Variants in CELF2 observed in about 807,000 individuals in gnomAD.
CELF2 encodes the protein CUGBP Elav-like family member 2.
Under a neutral mutation model 62.6 loss-of-function variants are expected in CELF2, and 8 were observed. That is an observed-to-expected ratio of 0.13 (90% CI 0.07 to 0.23). The LOEUF (loss-of-function observed/expected upper bound fraction) is 0.23. CELF2 is among the 10% of genes least tolerant of loss of function. The pLI is 1.00. For missense variants in CELF2, 333 were observed against 671.0 expected, an observed-to-expected ratio of 0.50 and a Z score of 5.56; for synonymous variants, 258 against 250.0, an observed-to-expected ratio of 1.03 and a Z score of -0.30.
intron 1 of CELF2, among the ~76,000 whole-genome samples, chr10:11,109,432 G>C (rs1346243172): frequency 6.6e-6 from 1 of 152,190 alleles, no homozygotes; most frequent in Admixed American, 6.5e-5. Flanking sequence ...ATGGTGAATG[G>C]ACTTGAGTTT....
intron 8 of CELF2, among the ~76,000 whole-genome samples, chr10:11,283,615 G>A (rs1468341876): frequency 6.6e-6 from 1 of 151,156 alleles, no homozygotes; most frequent in Non-Finnish European, 1.5e-5. Flanking sequence ...GGGGCTGAAT[G>A]ATGGATGGGT....
At chr10:10,468,808 A>C in the CELF2 span, among the ~76,000 whole-genome samples, 1 of 151,984 alleles carries the variant, frequency 6.6e-6, no homozygotes, top group Non-Finnish European at 1.5e-5. Context: ...ATCCCCATAA[A>C]CTTTACATAA....
At chr10:10,549,811 C>A in the CELF2 span, among the ~76,000 whole-genome samples, 1 of 152,012 alleles carries the variant, frequency 6.6e-6, no homozygotes, top group Non-Finnish European at 1.5e-5. Context: ...AAGACTTCAA[C>A]GTATGAATTT....
chr10:11,137,772 T>C (rs1483684325), intron 1 of CELF2, among the ~76,000 whole-genome samples: 1 of 152,240 alleles, frequency 6.6e-6, no homozygotes, highest in East Asian at 1.9e-4. Flanking sequence ...TTAAATACCA[T>C]TTCTGTGTGG....
At chr10:10,899,730 C>G (rs1415610468) in intron 1 of CELF2, among the ~76,000 whole-genome samples, 1 of 152,172 alleles carries the variant, frequency 6.6e-6, no homozygotes, top group Admixed American at 6.5e-5. Flanking sequence ...AGGAAACTTA[C>G]AATCATGGCG....
intron 1 of CELF2, among the ~76,000 whole-genome samples, chr10:10,861,571 T>C (rs1274549336): frequency 1.3e-5 from 2 of 152,198 alleles, no homozygotes; most frequent in African/African-American, 4.8e-5. Flanking sequence ...AAAGGGGCTT[T>C]AGGTAAATCC....
intron 9 of CELF2, among the ~76,000 whole-genome samples, chr10:11,298,110 G>A (rs1045856982): frequency 3.3e-5 from 5 of 152,238 alleles, no homozygotes; most frequent in African/African-American, 1.2e-4. Context: ...CCAGAACAAA[G>A]GGAAACAGGA....
intron 8 of CELF2, among the ~76,000 whole-genome samples, chr10:11,287,425 C>T (rs529577892): frequency 6.6e-6 from 1 of 152,326 alleles, no homozygotes; most frequent in East Asian, 1.9e-4. Flanking sequence ...GTGTAGACAC[C>T]AGGGCTGAGC....
chr10:11,060,443 A>G (rs1323503962), intron 1 of CELF2, among the ~76,000 whole-genome samples: 1 of 152,160 alleles, frequency 6.6e-6, no homozygotes, highest in East Asian at 1.9e-4. Context: ...TATGTGAAAT[A>G]TTTTATATGG....
chr10:10,664,166 A>G, the CELF2 span, among the ~76,000 whole-genome samples: 1 of 152,298 alleles, frequency 6.6e-6, no homozygotes, highest in African/African-American at 2.4e-5. Flanking sequence ...CTGAAGCTAG[A>G]TTTTCTCAGC....
At chr10:10,889,791 T>G (rs1443159334) in intron 1 of CELF2, among the ~76,000 whole-genome samples, 4 of 152,202 alleles carry the variant, frequency 2.6e-5, no homozygotes, top group Non-Finnish European at 5.9e-5. Flanking sequence ...ACAAGAGTAT[T>G]GCATAGGAGA....
chr10:10,749,546 A>T, the CELF2 span, among the ~76,000 whole-genome samples: 495 of 152,336 alleles, frequency 3.2e-3, 2 homozygotes, highest in African/African-American at 0.012. Flanking sequence ...CTCATAAAGG[A>T]GGAAGGGTGA....
chr10:10,800,888 A>G (rs2054592792), intron 1 of CELF2, among the ~76,000 whole-genome samples: 2 of 152,192 alleles, frequency 1.3e-5, no homozygotes, highest in Admixed American at 1.3e-4. Context: ...ACCTGTCTCT[A>G]AAACTGAAAC....
At chr10:10,910,699 C>CAAAAAAAAAAAAAAAAAGAAAA (rs2063732669) in intron 1 of CELF2, among the ~76,000 whole-genome samples, 1 of 92,246 alleles carries the variant, frequency 1.1e-5, no homozygotes, top group Non-Finnish European at 2.1e-5. Flanking sequence ...GACTCTGCCT[C>CAAAAAAAAAAAAAAAAAGAAAA]AAAAAAAAAA....
At chr10:10,614,947 G>A in the CELF2 span, among the ~76,000 whole-genome samples, 1 of 152,036 alleles carries the variant, frequency 6.6e-6, no homozygotes, top group Non-Finnish European at 1.5e-5. Context: ...GAAGCAATCA[G>A]GTCATGGGAA....
At chr10:10,971,185 C>G (rs1476949796) in intron 2 of CELF2, among the ~76,000 whole-genome samples, 1 of 152,150 alleles carries the variant, frequency 6.6e-6, no homozygotes, top group Non-Finnish European at 1.5e-5. Flanking sequence ...AAGTCAAAGG[C>G]TGCCTCTTGG....
chr10:11,310,183 GCTT>G (rs1309449235), intron 9 of CELF2, among the ~76,000 whole-genome samples: 2 of 152,216 alleles, frequency 1.3e-5, no homozygotes, highest in Non-Finnish European at 2.9e-5. Context: ...CTAGAATAGA[GCTT>G]CTGCCACAGA....
chr10:11,236,892 A>G (rs2071568996), intron 3 of CELF2, among the ~76,000 whole-genome samples: 1 of 152,216 alleles, frequency 6.6e-6, no homozygotes, highest in Non-Finnish European at 1.5e-5. Flanking sequence ...TGATTCCACT[A>G]GAAGAGAGAG....
At chr10:11,053,578 C>G (rs1460611723) in intron 1 of CELF2, among the ~76,000 whole-genome samples, 1 of 147,242 alleles carries the variant, frequency 6.8e-6, no homozygotes. Flanking sequence ...AAAAAAAAGA[C>G]TATTTGGGCA....
Sources: allele counts gnomAD v4.1 joint callset (sites outside exome capture counted in the v4.1 genomes callset), GRCh38; gene constraint gnomAD v4.1.1; transcripts MANE v1.5; gene names NCBI Gene and HGNC (gene_info 2026-07-23, HGNC 2026-07-21).